The following CYS1 variants were observed in gnomAD, a reference collection of about 807,000 sequenced individuals.
CYS1 encodes cystin 1.
Under a neutral mutation model 9.6 loss-of-function variants are expected in CYS1, and 5 were observed. The ratio of observed to expected loss-of-function variants is 0.52; its 90% CI spans 0.27 to 1.10. The LOEUF is 1.10. Among genes scored for constraint, CYS1 ranks in the 50% least tolerant of loss-of-function variants. The pLI is 0.11. For missense variants in CYS1, 221 were observed against 207.9 expected (o/e 1.06, Z -0.39); for synonymous variants, 88 against 95.7 (o/e 0.92, Z 0.47).
chr2:10,079,386 T>C (rs1279491543), intron 1 of CYS1, among the ~76,000 whole-genome samples: 1 of 152,240 alleles, frequency 6.6e-6, no homozygotes, highest in Non-Finnish European at 1.5e-5. Context: ...GCTTGTTTTA[T>C]TGTTTTTTTA....
chr2:10,074,760 T>C (rs1247517441), intron 1 of CYS1, among the ~76,000 whole-genome samples: 2 of 152,216 alleles, frequency 1.3e-5, no homozygotes, highest in East Asian at 1.9e-4. Context: ...ACCCGTCTCA[T>C]TGGTTTCTGC....
Position 10,059,278 on chromosome 2 carries a change from C to T in CYS1, c.372-320G>A, listed in dbSNP as rs559620697. On this transcript the variant is annotated intron_variant, in intron 2 of 2. Coordinates refer to ENST00000381813, the MANE Select transcript of CYS1 (RefSeq NM_001037160.3). ...GCTCACCCGCGCGCCTCAGGCAAGG[C>T]CAGTGTGTCTCCGAGCCTCGGTGTT... Among the ~76,000 whole-genome samples, 32 of 152,378 alleles carry T rather than the reference C, an allele frequency of 2.1e-4. No homozygotes were observed. The East Asian group carries it at 5.8e-3, about 28-fold the overall frequency.
intron 1 of CYS1, among the ~76,000 whole-genome samples, chr2:10,079,014 G>A (rs1484908478): frequency 6.6e-6 from 1 of 152,160 alleles, no homozygotes; most frequent in African/African-American, 2.4e-5. Context: ...ATAACTGCAG[G>A]CTGATGTGGT....
chr2:10,064,896 G>T (rs1309222807), intron 2 of CYS1, among the ~76,000 whole-genome samples: 59 of 131,788 alleles, frequency 4.5e-4, no homozygotes, highest in South Asian at 2.0e-3. Flanking sequence ...TTTTGTTTTT[G>T]TTTTTTTTTT....
chr2:10,065,087 G>A lies in CYS1; in HGVS notation c.371+817C>T, dbSNP rs552391294. On this transcript the variant is annotated intron_variant, in intron 2 of 2. Transcript: ENST00000381813. The stretch of plus-strand genomic sequence containing the variant: ...CCAGTTCTGACCTCCCCTGGAGCTC[G>A]CTGCTTGCATTTCCCGAGACCATGC... Among the ~76,000 whole-genome samples the A allele has an allele frequency of 9.7e-4, 148 of 152,060 alleles. 2 individuals carry two copies. Among genetic ancestry groups the A allele is most frequent in the Non-Finnish European group, 3.7e-4 (25 of 67,972 alleles).
Position 10,056,776 on chromosome 2 carries a change from C to T in CYS1, c.*2077G>A, listed in dbSNP as rs1011413934. The T allele has an allele frequency of 6.6e-5, 10 of 152,288 alleles. No homozygotes were observed. The highest frequency in any genetic ancestry group is 2.4e-4 in the African/African-American group (10 of 41,476). The allele number at this position is 152,288 out of a possible 1,614,324, so 9.4% of individuals were successfully genotyped here. The stretch of plus-strand genomic sequence containing the variant: ...TCACAGGACAGAGACAGGGCCGGCT[C>T]AGCGGCTGGTACACACTGCTTTATT... On this transcript the variant is annotated 3_prime_UTR_variant, in exon 3 of 3. Transcript: ENST00000381813.
chr2:10,071,249 G>C (rs564170626), intron 1 of CYS1, among the ~76,000 whole-genome samples: 93 of 152,362 alleles, frequency 6.1e-4, no homozygotes, highest in Admixed American at 1.2e-3. Flanking sequence ...TTACAGGCGT[G>C]AGCCACCGTG....
chr2:10,076,032 C>CA lies in CYS1; in HGVS notation c.318+3873dup, dbSNP rs763186754. 7.9e-5 allele frequency among the ~76,000 whole-genome samples: 12 copies of CA among 152,008 alleles called. No homozygotes were observed. The highest frequency in any genetic ancestry group is 5.2e-4 in the Admixed American group (8 of 15,272). ...TGAAACCCCATCTCTACTAAAAATA[C>CA]AAAAAAATTAGCCAGGCGTGGTGGC... On this transcript the variant is annotated intron_variant, in intron 1 of 2. Coordinates refer to ENST00000381813, the MANE Select transcript of CYS1 (RefSeq NM_001037160.3). This position sits in a 1 kb window ranked among gnomAD's most constrained non-coding sequence, Gnocchi z 4.3.
At chr2:10,068,021 G>A (rs1481745638) in intron 1 of CYS1, among the ~76,000 whole-genome samples, 3 of 150,478 alleles carry the variant, frequency 2.0e-5, no homozygotes, top group Middle Eastern at 3.3e-3. Context: ...CAGCTATCTT[G>A]TATCAGGTCC....
chr2:10,074,949 TA>T, intron 1 of CYS1, among the ~76,000 whole-genome samples: 1 of 152,182 alleles, frequency 6.6e-6, no homozygotes, highest in African/African-American at 2.4e-5. Flanking sequence ...CCGTCTCTAC[TA>T]AAAATACAAA....
chr2:10,079,961 T>A lies in CYS1; in HGVS notation c.263A>T (p.Glu88Val). The part of the protein sequence containing the change: ...LAESAAWGPP[E>V]PAPRRPARLR... ...CCGGGCTGGGCGGCGCGGGGCGGGC[T>A]CCGGGGGGCCCCAGGCCGCCGACTC... is the stretch of plus-strand genomic sequence containing the variant. Residue 88 changes from glutamate (E) to valine (V), a missense_variant, in exon 1 of 3, where the codon GAG becomes GTG. Transcript: ENST00000381813. The A allele has an allele frequency of 1.8e-6, 2 of 1,114,732 alleles. No individual in the cohort carries two copies. The highest frequency in any genetic ancestry group is 8.6e-5 in the South Asian group (2 of 23,358). The allele number at this position is 1,114,732 out of a possible 1,614,324, so 69.1% of individuals were successfully genotyped here. A position where few individuals can be genotyped will look rare whatever the true frequency, so the allele number is the denominator to read the frequency against.
In CYS1 at chr2:10,080,148, CG is replaced by C; in HGVS notation, c.75del (p.Gly26GlufsTer123). Reference sequence around the variant, plus strand: ...GTCCCGCCCTCCAGGGCTGCCGCTCCGGGCCCCGCGGGGAGGCTCTCGGGGC... The same window carrying C: ...GTCCCGCCCTCCAGGGCTGCCGCTCCGGCCCCGCGGGGAGGCTCTCGGGGC... ...RRSPESLPAG[P>X]GAAALEGGTR... On this transcript the variant is annotated frameshift_variant, in exon 1 of 3. Transcript: ENST00000381813. LOFTEE classifies it high-confidence loss of function. The surrounding 1 kb of genome is among the most constrained non-coding windows in gnomAD (Gnocchi z 6.4). 1 of 1,047,454 alleles carries C rather than the reference CG, an allele frequency of 9.5e-7. No individual in the cohort carries two copies. Among genetic ancestry groups the C allele is most frequent in the Non-Finnish European group, 1.1e-6 (1 of 872,844 alleles). The allele number at this position is 1,047,454 out of a possible 1,614,324, so 64.9% of individuals were successfully genotyped here. A position where few individuals can be genotyped will look rare whatever the true frequency, so the allele number is the denominator to read the frequency against.
chr2:10,078,136 A>C (rs1225869413), intron 1 of CYS1, among the ~76,000 whole-genome samples: 1 of 151,532 alleles, frequency 6.6e-6, no homozygotes, highest in East Asian at 1.9e-4. Flanking sequence ...AAGAAAAAAG[A>C]TACACACAGT....
chr2:10,079,778 C>T (rs962749105), intron 1 of CYS1, 128 bp downstream of exon 1: 15 of 498,558 alleles, frequency 3.0e-5, no homozygotes, highest in African/African-American at 1.5e-4. Flanking sequence ...GCCGGGGCAG[C>T]GGGGAGCACG....
At chr2:10,079,010 G>T (rs1661899226) in intron 1 of CYS1, among the ~76,000 whole-genome samples, 1 of 152,170 alleles carries the variant, frequency 6.6e-6, no homozygotes, top group Non-Finnish European at 1.5e-5. Flanking sequence ...TTATATAACT[G>T]CAGGCTGATG....
At position 10,080,045 on chromosome 2, in the gene CYS1, G is replaced by A; in HGVS notation, c.179C>T (p.Pro60Leu). The A allele has an allele frequency of 9.5e-7, 1 of 1,054,866 alleles. No individual in the cohort carries two copies. The highest frequency in any genetic ancestry group is 1.1e-6 in the Non-Finnish European group (1 of 876,234). The allele number at this position is 1,054,866 out of a possible 1,614,324, so 65.3% of individuals were successfully genotyped here. ...AEEAPGRDPS[P>L]VAPPDGRDET... ...GTCCCTGCCGTCGGGGGGCGCCACG[G>A]GGCTGGGGTCGCGGCCGGGCGCCTC... The change falls in exon 1 of 3, where the codon CCC becomes CTC. Residue 60 changes from proline (P) to leucine (L), a missense_variant. Coordinates refer to ENST00000381813, the MANE Select transcript of CYS1 (RefSeq NM_001037160.3). This position sits in a 1 kb window ranked among gnomAD's most constrained non-coding sequence, Gnocchi z 6.4.
intron 1 of CYS1, among the ~76,000 whole-genome samples, chr2:10,071,028 G>A (rs1231650366): frequency 8.6e-5 from 13 of 152,012 alleles, no homozygotes; most frequent in Non-Finnish European, 1.5e-5. Context: ...GTGCAGTGGC[G>A]TGATTCGGCT....
At chr2:10,067,406 C>CTTTTT (rs34525296) in intron 1 of CYS1, among the ~76,000 whole-genome samples, 7 of 118,112 alleles carry the variant, frequency 5.9e-5, no homozygotes, top group African/African-American at 6.3e-5. Flanking sequence ...AAATTCTTTT[C>CTTTTT]TTTTTTTTTT....
At chr2:10,075,966 C>T (rs1661836759) in intron 1 of CYS1, among the ~76,000 whole-genome samples, 1 of 152,140 alleles carries the variant, frequency 6.6e-6, no homozygotes, top group South Asian at 2.1e-4. Context: ...GCAGGGGGAC[C>T]ACCTGAGGTC....
Sources: allele counts gnomAD v4.1 joint callset (sites outside exome capture counted in the v4.1 genomes callset), GRCh38; gene constraint gnomAD v4.1.1; non-coding constraint Gnocchi (gnomAD v3.1); transcripts MANE v1.5; gene names NCBI Gene and HGNC (gene_info 2026-07-23, HGNC 2026-07-21).